Variants in CORO1C observed in about 807,000 individuals in gnomAD.
CORO1C encodes coronin 1C, also known as coronin-1C.
A neutral mutation model predicts 51.2 loss-of-function variants in CORO1C; 14 were observed. The observed-to-expected ratio is 0.27, with a 90% CI of 0.18 to 0.43. The LOEUF is 0.43. CORO1C is among the 20% of genes least tolerant of loss of function. CORO1C has a pLI of 1.00. For missense variants in CORO1C, 417 were observed against 607.8 expected (o/e 0.69, Z 3.30); for synonymous variants, 181 against 210.5 (o/e 0.86, Z 1.21).
chr12:108,729,430 C>A (rs1277391870), intron 1 of CORO1C, among the ~76,000 whole-genome samples: 1 of 152,112 alleles, frequency 6.6e-6, no homozygotes, highest in Non-Finnish European at 1.5e-5. Context: ...ATGTACCTTC[C>A]ACAAGTAATC....
At chr12:108,693,738 C>T (rs2034573406) in intron 2 of CORO1C, among the ~76,000 whole-genome samples, 1 of 152,196 alleles carries the variant, frequency 6.6e-6, no homozygotes, top group African/African-American at 2.4e-5. Flanking sequence ...AATGTGCCTA[C>T]CACCTACTTC....
chr12:108,718,867 C>A (rs1240376936), intron 1 of CORO1C, among the ~76,000 whole-genome samples: 2 of 152,066 alleles, frequency 1.3e-5, no homozygotes, highest in Non-Finnish European at 2.9e-5. Context: ...AATACTTTAC[C>A]ACCATTCAAT....
intron 2 of CORO1C, among the ~76,000 whole-genome samples, chr12:108,680,677 A>C (rs2034094270): frequency 6.6e-6 from 1 of 152,230 alleles, no homozygotes; most frequent in Non-Finnish European, 1.5e-5. Context: ...AAGGTAAAGA[A>C]CTTGGTTCTG....
At chr12:108,681,375 T>C (rs1490446962) in intron 2 of CORO1C, among the ~76,000 whole-genome samples, 1 of 152,220 alleles carries the variant, frequency 6.6e-6, no homozygotes, top group Non-Finnish European at 1.5e-5. Flanking sequence ...CCTCCGGCAG[T>C]ATAAGTGAAA....
At chr12:108,698,053 A>T (rs2034745878) in intron 2 of CORO1C, among the ~76,000 whole-genome samples, 1 of 152,196 alleles carries the variant, frequency 6.6e-6, no homozygotes, top group Non-Finnish European at 1.5e-5. Flanking sequence ...AGGTAGGAAC[A>T]GCAACTTAGA....
chr12:108,708,434 A>G (rs944145410), intron 1 of CORO1C, among the ~76,000 whole-genome samples: 1 of 152,028 alleles, frequency 6.6e-6, no homozygotes, highest in African/African-American at 2.4e-5. Flanking sequence ...ATCTAGAGAG[A>G]CAGAAAGTAG....
chr12:108,710,515 T>C (rs1307808623), intron 1 of CORO1C, among the ~76,000 whole-genome samples: 2 of 152,196 alleles, frequency 1.3e-5, no homozygotes, highest in African/African-American at 2.4e-5. Context: ...TGATAACTAA[T>C]ATTCATAATA....
At chr12:108,710,730 A>G (rs1472372385) in intron 1 of CORO1C, among the ~76,000 whole-genome samples, 2 of 151,778 alleles carry the variant, frequency 1.3e-5, no homozygotes, top group Non-Finnish European at 2.9e-5. Context: ...CACCCTGCTA[A>G]TTTTTGTATT....
chr12:108,666,646 C>T (rs1418709025), intron 3 of CORO1C, among the ~76,000 whole-genome samples: 1 of 152,156 alleles, frequency 6.6e-6, no homozygotes, highest in Non-Finnish European at 1.5e-5. Context: ...GTTTGGTCCT[C>T]TTGTGTGTAA....
In CORO1C at chr12:108,714,309, A is replaced by T. The variant is rs535412454; in HGVS notation, c.-5-12986T>A. ...GAGGCTGAGGCAGGAGAATTGCTTG[A>T]ACCCGGGAGGCAGATGTTGCAGTGA... On this transcript the variant is annotated intron_variant, in intron 1 of 10. Transcript: ENST00000261401. 3.4e-4 allele frequency among the ~76,000 whole-genome samples: 52 copies of T among 151,090 alleles called. 1 individual carries two copies. The South Asian group carries it at 0.011, about 32-fold the overall frequency.
intron 3 of CORO1C, among the ~76,000 whole-genome samples, chr12:108,665,047 G>A (rs1195967469): frequency 6.6e-6 from 1 of 152,110 alleles, no homozygotes; most frequent in Non-Finnish European, 1.5e-5. Context: ...GACTGAAAAC[G>A]CCTCTGTGTC....
intron 1 of CORO1C, chr12:108,701,653 T>C (rs991104785): frequency 2.2e-5 from 7 of 319,430 alleles, no homozygotes; most frequent in Non-Finnish European, 4.2e-5. Flanking sequence ...TGACAGATAA[T>C]GTACTTCAAC....
intron 1 of CORO1C, among the ~76,000 whole-genome samples, chr12:108,702,242 T>C (rs10507232): frequency 0.046 from 7,003 of 152,074 alleles, 578 homozygotes; most frequent in African/African-American, 0.16. Flanking sequence ...GCAGTAACAG[T>C]TGGGACCTAG....
At chr12:108,657,220 T>C (rs1259353826) in intron 6 of CORO1C, 84 bp downstream of exon 6, 1 of 1,508,126 alleles carries the variant, frequency 6.6e-7, no homozygotes, top group Non-Finnish European at 8.9e-7. Context: ...AAGAATCCCA[T>C]AATCTACTTA....
chr12:108,723,006 A>C (rs931587946), intron 1 of CORO1C, among the ~76,000 whole-genome samples: 1 of 152,212 alleles, frequency 6.6e-6, no homozygotes, highest in Admixed American at 6.5e-5. Flanking sequence ...CAGTTACTCT[A>C]TTTCTAAAAC....
intron 8 of CORO1C, 116 bp from the exon 9 acceptor site, chr12:108,649,136 C>A: frequency 8.5e-7 from 1 of 1,182,858 alleles, no homozygotes; most frequent in Non-Finnish European, 1.2e-6. Flanking sequence ...CTTTACCCAT[C>A]CCCACATCTG....
At position 108,658,802 on chromosome 12, in the gene CORO1C, A is replaced by C; in HGVS notation, c.566T>G (p.Ile189Ser). The change falls in exon 5 of 11, where the codon ATC becomes AGC. Residue 189 changes from isoleucine to serine, a missense_variant. Coordinates refer to ENST00000261401, the MANE Select transcript of CORO1C (RefSeq NM_014325.4). The surrounding 1 kb of genome is among the most constrained non-coding windows in gnomAD (Gnocchi z 4.9). The stretch of plus-strand genomic sequence containing the variant: ...TTTCTTGTCTTTGGAAGCTGTGCAG[A>C]TCAGACTGCCATTCCGGTTCCAGCT... Reference protein sequence around the residue: ...NVSWNRNGSLICTASKDKKVR... With the variant: ...NVSWNRNGSLSCTASKDKKVR... 6.2e-7 allele frequency: 1 copy of C among 1,613,984 alleles called. No homozygotes were observed.
At chr12:108,655,649 C>G (rs933343769) in intron 6 of CORO1C, among the ~76,000 whole-genome samples, 1 of 152,214 alleles carries the variant, frequency 6.6e-6, no homozygotes, top group Non-Finnish European at 1.5e-5. Flanking sequence ...CCCGAGGTGC[C>G]GGGATTGCAA....
chr12:108,659,030 GAGAGAA>G, intron 4 of CORO1C, 111 bp from the exon 5 acceptor site: 2 of 1,076,284 alleles, frequency 1.9e-6, no homozygotes, highest in Non-Finnish European at 2.5e-6. Flanking sequence ...GAGAGAGAGA[GAGAGAA>G]AGAGAGAGAG....
Sources: allele counts gnomAD v4.1 joint callset (sites outside exome capture counted in the v4.1 genomes callset), GRCh38; gene constraint gnomAD v4.1.1; non-coding constraint Gnocchi (gnomAD v3.1); transcripts MANE v1.5; gene names NCBI Gene and HGNC (gene_info 2026-07-23, HGNC 2026-07-21).